E2F1: variants seen among roughly 807,000 people sequenced by gnomAD.
The protein encoded by E2F1 is transcription factor E2F1.
A neutral mutation model predicts 36.9 loss-of-function variants in E2F1; 7 were observed. That is an observed-to-expected ratio of 0.19 (90% CI 0.11 to 0.36). The LOEUF (loss-of-function observed/expected upper bound fraction) is 0.36. E2F1 is among the 10% of genes least tolerant of loss of function. The pLI is 1.00. For synonymous variants in E2F1, 261 were observed against 263.1 expected, an observed-to-expected ratio of 0.99 and a Z score of 0.08; for missense variants, 406 against 573.6, an observed-to-expected ratio of 0.71 and a Z score of 2.99.
chr20:33,679,362 G>A lies in E2F1; in HGVS notation c.572+393C>T, dbSNP rs1215919282. 6.6e-6 allele frequency among the ~76,000 whole-genome samples: 1 copy of A among 152,178 alleles called. No homozygotes were observed. The highest frequency in any genetic ancestry group is 2.4e-5 in the African/African-American group (1 of 41,446). ...AGTTCGAGACCAGACTGGCCAACAT[G>A]GTGAAACCCCATTTCTACTACAAAT... is the stretch of plus-strand genomic sequence containing the variant. On this transcript the variant is annotated intron_variant, in intron 3 of 6. Transcript: ENST00000343380. This position sits in a 1 kb window ranked among gnomAD's most constrained non-coding sequence, Gnocchi z 4.6.
At chr20:33,680,111 C>A in intron 2 of E2F1, 137 bp from the exon 3 acceptor site, 3 of 921,694 alleles carry the variant, frequency 3.3e-6, no homozygotes, top group Admixed American at 2.2e-5. Context: ...TTGGCGAGGC[C>A]AACCACAGCA....
chr20:33,684,341 A>G (rs541104677), intron 1 of E2F1, among the ~76,000 whole-genome samples: 1 of 152,304 alleles, frequency 6.6e-6, no homozygotes, highest in African/African-American at 2.4e-5. Context: ...CCCAAGTGGT[A>G]CCCACAGGAA....
At chr20:33,682,068 C>G (rs1166668852) in intron 1 of E2F1, among the ~76,000 whole-genome samples, 1 of 148,342 alleles carries the variant, frequency 6.7e-6, no homozygotes, top group African/African-American at 2.5e-5. Flanking sequence ...CACCTCTTCT[C>G]CCTCTGAACT....
chr20:33,677,068 G>A, intron 6 of E2F1, 37 bp downstream of exon 6: 2 of 1,586,628 alleles, frequency 1.3e-6, no homozygotes, highest in Non-Finnish European at 1.7e-6. Flanking sequence ...CCAGAAGAGG[G>A]GCCCTGCCCC....
In E2F1 at chr20:33,676,907, G is replaced by A. The variant is rs770915873; in HGVS notation, c.1139C>T (p.Ala380Val). The A allele has an allele frequency of 5.7e-6, 9 of 1,568,094 alleles. No homozygotes were observed. Among genetic ancestry groups the A allele is most frequent in the Non-Finnish European group, 7.8e-6 (9 of 1,155,722 alleles). The part of the protein sequence containing the change: ...DEDRLSPLVA[A>V]DSLLEHVRED... ...CCGCACATGCTCCAGGAGCGAGTCGGCCGCCACCAGCGGGGACAGGCGGTC... is the reference window on the plus strand; with the variant it reads ...CCGCACATGCTCCAGGAGCGAGTCGACCGCCACCAGCGGGGACAGGCGGTC... Residue 380 changes from alanine (A) to valine (V), a missense_variant, in exon 7 of 7, where the codon GCC (alanine) becomes GTC (valine). Transcript: ENST00000343380.
intron 1 of E2F1, among the ~76,000 whole-genome samples, chr20:33,681,329 A>T (rs1200531646): frequency 1.3e-5 from 2 of 152,226 alleles, no homozygotes. Context: ...GTCAGCCACC[A>T]TGCCCAGCTA....
Position 33,680,401 on chromosome 20 carries a change from C to G in E2F1, c.277G>C (p.Asp93His). 7 of 1,613,942 alleles carry G rather than the reference C, an allele frequency of 4.3e-6. No homozygotes were observed. Among genetic ancestry groups the G allele is most frequent in the Non-Finnish European group, 5.9e-6 (7 of 1,179,944 alleles). Residue 93 changes from aspartate to histidine, a missense_variant, in exon 2 of 7, where the codon GAC (aspartate) becomes CAC (histidine). Transcript: ENST00000343380. ...LGRPPVKRRLDLETDHQYLAE... is the reference protein window; with the variant it reads ...LGRPPVKRRLHLETDHQYLAE... Reference sequence around the variant, plus strand: ...AGGTACTGATGGTCAGTTTCCAGGTCCAGCCTCCGCTTCACCTGTGGCGAA... The same window carrying G: ...AGGTACTGATGGTCAGTTTCCAGGTGCAGCCTCCGCTTCACCTGTGGCGAA...
chr20:33,678,401 C>G (rs754795757), intron 3 of E2F1, 48 bp from the exon 4 acceptor site: 2 of 1,603,120 alleles, frequency 1.2e-6, no homozygotes, highest in African/African-American at 2.7e-5. Context: ...ATTGGCCCCT[C>G]TGGCCAGGAG....
At chr20:33,682,669 G>C (rs1216138954) in intron 1 of E2F1, among the ~76,000 whole-genome samples, 1 of 152,144 alleles carries the variant, frequency 6.6e-6, no homozygotes, top group African/African-American at 2.4e-5. Flanking sequence ...CTTCTCCCTA[G>C]ATAAACACTG....
chr20:33,676,899 G>A lies in E2F1; in HGVS notation c.1147C>T (p.Leu383Phe). 6.4e-7 allele frequency: 1 copy of A among 1,570,584 alleles called. No individual in the cohort carries two copies. The highest frequency in any genetic ancestry group is 2.4e-5 in the East Asian group (1 of 42,166). The change falls in exon 7 of 7, where the codon CTC becomes TTC. Residue 383 changes from leucine to phenylalanine, a missense_variant. Physicochemically the swap from Leu to Phe is conservative, Grantham distance 22 (BLOSUM62 0). Coordinates refer to ENST00000343380, the MANE Select transcript of E2F1 (RefSeq NM_005225.3). The part of the protein sequence containing the change: ...RLSPLVAADS[L>F]LEHVREDFSG... ...AAGTCCTCCCGCACATGCTCCAGGA[G>A]CGAGTCGGCCGCCACCAGCGGGGAC...
intron 4 of E2F1, 42 bp from the exon 5 acceptor site, chr20:33,677,582 G>A: frequency 1.1e-5 from 16 of 1,492,746 alleles, no homozygotes; most frequent in Non-Finnish European, 1.5e-5. Context: ...ACTTCTAGGG[G>A]GTCACTCACT....
intron 1 of E2F1, among the ~76,000 whole-genome samples, chr20:33,683,787 T>A (rs762842526): frequency 4.5e-4 from 69 of 152,018 alleles, no homozygotes; most frequent in African/African-American, 1.1e-3. Flanking sequence ...AAAAAATAAA[T>A]AAATAAATAA....
intron 4 of E2F1, 74 bp from the exon 5 acceptor site, chr20:33,677,614 C>A: frequency 1.7e-6 from 2 of 1,147,424 alleles, no homozygotes; most frequent in East Asian, 2.4e-5. Context: ...CAAGGCAGGG[C>A]TCACACCTGC....
rs1478296433 is a variant in E2F1, at chr20:33,678,284, C to T, written c.642G>A (p.Gln214=). 1 of 1,613,088 alleles carries T rather than the reference C, an allele frequency of 6.2e-7. No homozygotes were observed. Among genetic ancestry groups the T allele is most frequent in the Non-Finnish European group, 8.5e-7 (1 of 1,180,038 alleles). ...GGTGGTCCAGCTGCTGCTCGCTCTC[C>T]TGCAGCTGTCGGAGGTCCTGGGTCA... ...EGLTQDLRQL[Q]ESEQQLDHLM... is the part of the protein sequence containing the mutation. Residue 214 remains glutamine, a synonymous_variant, in exon 4 of 7, where the codon CAG becomes CAA. Transcript: ENST00000343380.
chr20:33,685,666 A>C (rs1162139776), intron 1 of E2F1, among the ~76,000 whole-genome samples: 3 of 152,134 alleles, frequency 2.0e-5, no homozygotes, highest in African/African-American at 7.2e-5. Context: ...CGGGGTTGTG[A>C]GTTTTAGCTG....
intron 1 of E2F1, among the ~76,000 whole-genome samples, chr20:33,684,172 G>C (rs969023976): frequency 1.3e-5 from 2 of 152,208 alleles, no homozygotes; most frequent in Non-Finnish European, 2.9e-5. Context: ...CAGGTGGAGT[G>C]GAGGGCATTT....
rs1336990930 is a variant in E2F1 at position 33,676,065 on chromosome 20, GA to G, written c.*666del. ...GTATGGGGCAGAAGAACAGCTCAGG[GA>G]CCCCTGCCCTTGCTCAAGGGTAGAG... On this transcript the variant is annotated 3_prime_UTR_variant, in exon 7 of 7. Transcript: ENST00000343380. 1 of 152,642 alleles carries G rather than the reference GA, an allele frequency of 6.6e-6. No homozygotes were observed. Among genetic ancestry groups the G allele is most frequent in the Non-Finnish European group, 1.5e-5 (1 of 68,204 alleles). The allele number at this position is 152,642 out of a possible 1,614,324, so 9.5% of individuals were successfully genotyped here. A position where few individuals can be genotyped will look rare whatever the true frequency, so the allele number is the denominator to read the frequency against.
chr20:33,678,098 A>G, intron 4 of E2F1, 103 bp downstream of exon 4: 3 of 1,406,822 alleles, frequency 2.1e-6, no homozygotes, highest in Non-Finnish European at 2.9e-6. Flanking sequence ...CTTGCAACCA[A>G]AATCAGAGCT....
intron 4 of E2F1, among the ~76,000 whole-genome samples, chr20:33,677,927 T>C (rs1160667008): frequency 1.3e-5 from 2 of 152,220 alleles, no homozygotes; most frequent in South Asian, 4.1e-4. Flanking sequence ...CTTGAAGCAC[T>C]AGGATTACAG....
Sources: gnomAD v4.1 joint callset for allele counts (sites outside exome capture counted in the v4.1 genomes callset) on GRCh38, gnomAD v4.1.1 for gene constraint, Gnocchi (gnomAD v3.1) non-coding constraint, MANE v1.5 for transcripts, NCBI Gene and HGNC (gene_info 2026-07-23, HGNC 2026-07-21) for gene names.